DENND10: variants seen among roughly 807,000 people sequenced by gnomAD.
The protein encoded by DENND10 is DENN domain containing 10, also known as DENN domain-containing protein 10.
A neutral mutation model predicts 43.6 loss-of-function variants in DENND10; 24 were observed. The observed-to-expected ratio is 0.55, with a 90% confidence interval of 0.40 to 0.77. The LOEUF is 0.77. DENND10 is among the 30% of genes least tolerant of loss of function. The probability of loss-of-function intolerance (pLI) is 0.00; values close to 1 mark genes in which losing one functional copy is unlikely to be tolerated. For synonymous variants in DENND10, 125 were observed against 157.6 expected, an observed-to-expected ratio of 0.79 and a Z score of 1.55; for missense variants, 303 against 429.9, an observed-to-expected ratio of 0.70 and a Z score of 2.61.
chr10:119,112,628 G>A (rs1007300217), intron 3 of DENND10, among the ~76,000 whole-genome samples: 1 of 150,626 alleles, frequency 6.6e-6, no homozygotes, highest in Non-Finnish European at 1.5e-5. Flanking sequence ...CATGTAGCAA[G>A]GACTGCAGGT....
chr10:119,116,665 CTTTTT>C (rs71016543), intron 3 of DENND10, among the ~76,000 whole-genome samples: 126 of 132,202 alleles, frequency 9.5e-4, no homozygotes, highest in Non-Finnish European at 1.4e-3. Context: ...TTCTTTCTTT[CTTTTT>C]TTTTTTTTTT....
intron 1 of DENND10, chr10:119,105,525 T>C (rs778140230): frequency 8.6e-7 from 1 of 1,163,572 alleles, no homozygotes; most frequent in South Asian, 1.6e-5. Context: ...TCTAATGTGA[T>C]TTTCAAACTG....
chr10:119,134,299 A>T (rs1419445708), intron 8 of DENND10: 2 of 149,024 alleles, frequency 1.3e-5, no homozygotes, highest in African/African-American at 5.1e-5. Context: ...TCAGCCTCCC[A>T]GAGTGCTGGG....
rs1845681115 is a variant in DENND10 at position 119,123,548 on chromosome 10, G to A, written c.673G>A (p.Glu225Lys). Residue 225 changes from glutamate (E) to lysine (K), a missense_variant, in exon 6 of 9, where the codon GAA (glutamate) becomes AAA (lysine). Coordinates refer to ENST00000361432, the MANE Select transcript of DENND10 (RefSeq NM_207009.4). ...CGTGCACCTCAACGCCGATGAGCTGGAAGCCCTGCAGATGTGCACAGGTAG... is the reference window on the plus strand; with the variant it reads ...CGTGCACCTCAACGCCGATGAGCTGAAAGCCCTGCAGATGTGCACAGGTAG... ...SYVHLNADEL[E>K]ALQMCTGYVA... 1.9e-6 allele frequency: 3 copies of A among 1,613,350 alleles called. No homozygotes were observed. The highest frequency in any genetic ancestry group is 1.7e-5 in the Admixed American group (1 of 59,952).
chr10:119,134,240 C>G (rs1345732236), intron 8 of DENND10: 1 of 152,036 alleles, frequency 6.6e-6, no homozygotes, highest in Non-Finnish European at 1.5e-5. Flanking sequence ...GGTTTCACCA[C>G]GCTGACCAGG....
At chr10:119,106,024 C>T (rs1473396009) in intron 1 of DENND10, among the ~76,000 whole-genome samples, 1 of 152,144 alleles carries the variant, frequency 6.6e-6, no homozygotes, top group African/African-American at 2.4e-5. Flanking sequence ...GAGACCCTGT[C>T]TTCACTAAAA....
chr10:119,118,340 ATTTCT>A (rs1350356186), intron 4 of DENND10, among the ~76,000 whole-genome samples: 1 of 152,070 alleles, frequency 6.6e-6, no homozygotes, highest in African/African-American at 2.4e-5. Flanking sequence ...CATGGATTAC[ATTTCT>A]TTTCTTAGAT....
At chr10:119,108,676 A>G (rs1414236259) in intron 2 of DENND10, among the ~76,000 whole-genome samples, 5 of 149,400 alleles carry the variant, frequency 3.3e-5, no homozygotes, top group Non-Finnish European at 7.4e-5. Context: ...TGTTTTTTTG[A>G]GATGGAGTTT....
Position 119,108,105 on chromosome 10 carries a change from A to C in DENND10, c.193A>C (p.Arg65=). The change falls in exon 2 of 9, where the codon AGA becomes CGA. Residue 65 remains arginine, a synonymous_variant. Coordinates refer to ENST00000361432, the MANE Select transcript of DENND10 (RefSeq NM_207009.4). ...CCATCCCTTTGTCTTTGGTCAGTAC[A>C]GAAGAACATGGTTTTATATCACAAC... The part of the protein sequence containing the change: ...LLHPFVFGQY[R]RTWFYITTIE... 2 of 1,614,072 alleles carry C rather than the reference A, an allele frequency of 1.2e-6. No individual in the cohort carries two copies. Among genetic ancestry groups the C allele is most frequent in the Non-Finnish European group, 1.7e-6 (2 of 1,179,902 alleles).
intron 5 of DENND10, among the ~76,000 whole-genome samples, chr10:119,120,998 A>G (rs1845548401): frequency 6.6e-6 from 1 of 151,998 alleles, no homozygotes; most frequent in Admixed American, 6.6e-5. Context: ...CATTTTTAGT[A>G]GAGATGGGGT....
At position 119,111,937 on chromosome 10, in the gene DENND10, A is replaced by G; in HGVS notation, c.332+9A>G. The G allele has an allele frequency of 6.3e-7, 1 of 1,588,230 alleles. No individual in the cohort carries two copies. The highest frequency in any genetic ancestry group is 8.6e-7 in the Non-Finnish European group (1 of 1,157,328). ...ACTAGGATATTGTGTAGGTCTGTAT[A>G]AAAATTGTATTAAATGCTAATATAC... On this transcript the variant is annotated intron_variant, in intron 3 of 8. Transcript: ENST00000361432.
At chr10:119,123,098 T>C (rs1845649612) in intron 5 of DENND10, among the ~76,000 whole-genome samples, 1 of 152,070 alleles carries the variant, frequency 6.6e-6, no homozygotes, top group South Asian at 2.1e-4. Context: ...TGAACCCCCA[T>C]CTCTACTAAA....
At chr10:119,125,989 C>T (rs1251500587) in intron 6 of DENND10, among the ~76,000 whole-genome samples, 1 of 152,126 alleles carries the variant, frequency 6.6e-6, no homozygotes, top group African/African-American at 2.4e-5. Context: ...CACCATTCTA[C>T]TCTCTATCTC....
At chr10:119,122,272 C>T (rs1018959016) in intron 5 of DENND10, among the ~76,000 whole-genome samples, 2 of 152,208 alleles carry the variant, frequency 1.3e-5, no homozygotes, top group African/African-American at 4.8e-5. Context: ...CACGTCACTG[C>T]ACCCCAGCCT....
chr10:119,115,314 A>G (rs1213791038), intron 3 of DENND10, among the ~76,000 whole-genome samples: 1 of 150,132 alleles, frequency 6.7e-6, no homozygotes, highest in Non-Finnish European at 1.5e-5. Context: ...TGTATTTTAC[A>G]TGTGTGAAAG....
chr10:119,112,952 C>A (rs1270367228), intron 3 of DENND10, among the ~76,000 whole-genome samples: 1 of 151,512 alleles, frequency 6.6e-6, no homozygotes, highest in African/African-American at 2.4e-5. Flanking sequence ...TGGGTTCAAG[C>A]GATTCTCTTG....
At chr10:119,124,371 C>CAAA (rs1175412178) in intron 6 of DENND10, among the ~76,000 whole-genome samples, 6 of 104,860 alleles carry the variant, frequency 5.7e-5, no homozygotes, top group Admixed American at 2.3e-4. Context: ...ACTAAAATAC[C>CAAA]AAAAAAAAAA....
chr10:119,111,820 T>C (rs1457273809), intron 2 of DENND10, 29 bp from the exon 3 acceptor site: 2 of 1,509,000 alleles, frequency 1.3e-6, no homozygotes, highest in Admixed American at 3.4e-5. Flanking sequence ...ATTTAAAAAG[T>C]GTATTTTTTT....
intron 6 of DENND10, among the ~76,000 whole-genome samples, chr10:119,127,777 T>C (rs1845900129): frequency 1.3e-5 from 2 of 152,050 alleles, no homozygotes; most frequent in South Asian, 4.1e-4. Flanking sequence ...CATGAGCCAC[T>C]GCGCCTGGCC....
Sources: gnomAD v4.1 joint callset for allele counts (sites outside exome capture counted in the v4.1 genomes callset) on GRCh38, gnomAD v4.1.1 for gene constraint, MANE v1.5 for transcripts, NCBI Gene and HGNC (gene_info 2026-07-23, HGNC 2026-07-21) for gene names.